SLC25A48: variants seen among roughly 807,000 people sequenced by gnomAD.
SLC25A48 encodes solute carrier family 25 member 48.
Under a neutral mutation model 32.2 loss-of-function variants are expected in SLC25A48, and 29 were observed. That is an observed-to-expected ratio of 0.90 (90% CI 0.67 to 1.23). The LOEUF is 1.23. Among genes scored for constraint, SLC25A48 ranks in the 50% most tolerant of loss-of-function variants. SLC25A48 has a pLI of 0.00. For synonymous variants in SLC25A48, 164 were observed against 172.3 expected, an observed-to-expected ratio of 0.95 and a Z score of 0.38; for missense variants, 399 against 422.7, an observed-to-expected ratio of 0.94 and a Z score of 0.49.
intron 4 of SLC25A48, among the ~76,000 whole-genome samples, chr5:135,829,534 G>A (rs1467138341): frequency 6.6e-6 from 1 of 152,192 alleles, no homozygotes; most frequent in Non-Finnish European, 1.5e-5. Flanking sequence ...AGGATAGAGG[G>A]CAGCCCAGGG....
intron 1 of SLC25A48, among the ~76,000 whole-genome samples, chr5:135,592,295 G>A (rs1751545378): frequency 6.6e-6 from 1 of 152,202 alleles, no homozygotes; most frequent in Non-Finnish European, 1.5e-5. Context: ...TCAGGGAGGC[G>A]TGATGAAGCC....
At chr5:135,777,174 G>A (rs558965503) in intron 3 of SLC25A48, among the ~76,000 whole-genome samples, 9 of 151,570 alleles carry the variant, frequency 5.9e-5, no homozygotes, top group African/African-American at 2.2e-4. Flanking sequence ...CCGTAATATT[G>A]TTTATAATAT....
intron 3 of SLC25A48, among the ~76,000 whole-genome samples, chr5:135,716,415 G>C (rs1373585333): frequency 2.6e-5 from 4 of 152,180 alleles, no homozygotes; most frequent in Non-Finnish European, 5.9e-5. Context: ...TTCAAGAAGA[G>C]GGTGAGCCTA....
At chr5:135,752,467 G>A (rs751320045) in intron 3 of SLC25A48, among the ~76,000 whole-genome samples, 5 of 152,140 alleles carry the variant, frequency 3.3e-5, no homozygotes, top group Non-Finnish European at 4.4e-5. Flanking sequence ...GTATCACAAC[G>A]TGTCCACACA....
chr5:135,850,857 C>T (rs1308478542), intron 3 of SLC25A48, among the ~76,000 whole-genome samples: 1 of 152,136 alleles, frequency 6.6e-6, no homozygotes, highest in Non-Finnish European at 1.5e-5. Flanking sequence ...CTCCCTTTAT[C>T]TGGCCCGGCC....
At chr5:135,736,603 TG>T (rs1048979030) in intron 3 of SLC25A48, among the ~76,000 whole-genome samples, 1 of 151,022 alleles carries the variant, frequency 6.6e-6, no homozygotes, top group Non-Finnish European at 1.5e-5. Flanking sequence ...AGAGAAGGGG[TG>T]GGGGGTGCTT....
At chr5:135,599,919 G>A (rs1423012416) in intron 1 of SLC25A48, among the ~76,000 whole-genome samples, 3 of 151,966 alleles carry the variant, frequency 2.0e-5, no homozygotes, top group Non-Finnish European at 4.4e-5. Context: ...TCAGCACATA[G>A]CAATGACCTT....
At chr5:135,764,466 C>T (rs1756151017) in intron 3 of SLC25A48, among the ~76,000 whole-genome samples, 1 of 151,634 alleles carries the variant, frequency 6.6e-6, no homozygotes, top group African/African-American at 2.4e-5. Flanking sequence ...GGTTGTACAC[C>T]CCACTGTGAT....
At chr5:135,831,869 C>T (rs1403226787), upstream of SLC25A48, among the ~76,000 whole-genome samples, 2 of 152,286 alleles carry the variant, frequency 1.3e-5, no homozygotes, top group East Asian at 1.9e-4. Context: ...CCCAGGAACC[C>T]GTGTCCACTG....
chr5:135,589,057 C>T (rs1357061439), intron 1 of SLC25A48, among the ~76,000 whole-genome samples: 1 of 152,206 alleles, frequency 6.6e-6, no homozygotes, highest in African/African-American at 2.4e-5. Flanking sequence ...ACCAGTCCAG[C>T]CTGTGCCCGT....
chr5:135,774,638 G>A (rs4327594), intron 3 of SLC25A48, among the ~76,000 whole-genome samples: 106,906 of 151,392 alleles, frequency 0.71, 39,163 homozygotes, highest in Middle Eastern at 0.83. Context: ...TGATGGCATT[G>A]TGATCAATAT....
intron 3 of SLC25A48, among the ~76,000 whole-genome samples, chr5:135,697,061 T>G (rs1016012793): frequency 6.6e-6 from 1 of 152,232 alleles, no homozygotes; most frequent in Non-Finnish European, 1.5e-5. Context: ...CTGTAGCATG[T>G]ACTCTAACCT....
At chr5:135,803,181 G>T (rs552923682) in intron 3 of SLC25A48, 4 of 150,400 alleles carry the variant, frequency 2.7e-5, no homozygotes, top group Non-Finnish European at 5.9e-5. Context: ...GAGATATTAC[G>T]TGTAATATCA....
chr5:135,885,295 A>G (rs906980596), intron 7 of SLC25A48, among the ~76,000 whole-genome samples: 2 of 151,992 alleles, frequency 1.3e-5, no homozygotes, highest in Non-Finnish European at 2.9e-5. Context: ...GGGCATTTAA[A>G]TGTTGCTGAA....
At chr5:135,665,962 A>G (rs1456238621) in intron 3 of SLC25A48, among the ~76,000 whole-genome samples, 1 of 151,908 alleles carries the variant, frequency 6.6e-6, no homozygotes, top group Non-Finnish European at 1.5e-5. Context: ...CTCTCTCTCT[A>G]ATGTGGACTG....
At chr5:135,795,387 C>T (rs544510217) in intron 3 of SLC25A48, among the ~76,000 whole-genome samples, 20 of 151,756 alleles carry the variant, frequency 1.3e-4, no homozygotes, top group African/African-American at 4.1e-4. Flanking sequence ...AATATTAATC[C>T]CAATAACGCA....
chr5:135,582,387 C>T (rs1010581708), intron 1 of SLC25A48, among the ~76,000 whole-genome samples: 4 of 152,004 alleles, frequency 2.6e-5, no homozygotes, highest in Admixed American at 6.6e-5. Flanking sequence ...CTGCAGAGGT[C>T]AGTGTCCTGG....
At chr5:135,665,876 G>T (rs941569201) in intron 3 of SLC25A48, among the ~76,000 whole-genome samples, 6 of 151,918 alleles carry the variant, frequency 3.9e-5, no homozygotes, top group Non-Finnish European at 8.8e-5. Context: ...CTCCTTCCAG[G>T]TCCCACACTT....
intron 3 of SLC25A48, among the ~76,000 whole-genome samples, chr5:135,743,791 G>A (rs969454766): frequency 3.9e-5 from 6 of 152,176 alleles, no homozygotes; most frequent in Non-Finnish European, 8.8e-5. Context: ...TGGGATGACT[G>A]CCCTCACAAA....
Sources: allele counts gnomAD v4.1 joint callset (sites outside exome capture counted in the v4.1 genomes callset), GRCh38; gene constraint gnomAD v4.1.1; transcripts MANE v1.5; gene names NCBI Gene and HGNC (gene_info 2026-07-23, HGNC 2026-07-21).